Variants in REDIC1 observed in about 807,000 individuals in gnomAD.
REDIC1 encodes the protein regulator of DNA class I crossover intermediates 1, also known as HEI10 Interacting Protein 1.
At chr12:39,809,119 T>G in the REDIC1 span, among the ~76,000 whole-genome samples, 4 of 152,194 alleles carry the variant, frequency 2.6e-5, no homozygotes, top group East Asian at 7.7e-4. Context: ...TCCCTCCACC[T>G]TCACCCGCAA....
At chr12:39,827,025 G>A in the REDIC1 span, among the ~76,000 whole-genome samples, 13 of 148,466 alleles carry the variant, frequency 8.8e-5, no homozygotes, top group South Asian at 1.4e-3. Flanking sequence ...TGGTAAAACC[G>A]CAGTTAACTT....
At chr12:39,781,374 C>T in the REDIC1 span, among the ~76,000 whole-genome samples, 1 of 78,118 alleles carries the variant, frequency 1.3e-5, no homozygotes, top group African/African-American at 5.5e-5. Context: ...CTGAGGGAGC[C>T]CCGCACAGTC....
At chr12:39,639,788 T>A in the REDIC1 span, among the ~76,000 whole-genome samples, 1 of 152,086 alleles carries the variant, frequency 6.6e-6, no homozygotes, top group South Asian at 2.1e-4. Flanking sequence ...TATTTAGTAT[T>A]AGCAATTATT....
At chr12:39,650,143 A>G in the REDIC1 span, 3 of 1,221,320 alleles carry the variant, frequency 2.5e-6, no homozygotes, top group Non-Finnish European at 3.2e-6. The surrounding 1 kb of genome is among the most constrained non-coding windows in gnomAD (Gnocchi z 4.3). Context: ...TAAAATATAA[A>G]TGTAGTTCAT....
the REDIC1 span, among the ~76,000 whole-genome samples, chr12:39,669,127 C>T: frequency 6.6e-6 from 1 of 152,208 alleles, no homozygotes; most frequent in African/African-American, 2.4e-5. Context: ...AGGAGAGACG[C>T]TCTGATTTTT....
chr12:39,771,009 A>T, the REDIC1 span, among the ~76,000 whole-genome samples: 1 of 152,150 alleles, frequency 6.6e-6, no homozygotes, highest in African/African-American at 2.4e-5. Flanking sequence ...TCAAAAGGCT[A>T]TTTTGATGCT....
the REDIC1 span, among the ~76,000 whole-genome samples, chr12:39,719,676 T>C: frequency 2.6e-5 from 4 of 152,166 alleles, no homozygotes; most frequent in Non-Finnish European, 4.4e-5. Flanking sequence ...TTTGTCTATT[T>C]GTTAAACAGT....
the REDIC1 span, chr12:39,641,066 A>G: frequency 8.3e-7 from 1 of 1,205,658 alleles, no homozygotes; most frequent in Non-Finnish European, 1.2e-6. Context: ...TCTACCACTA[A>G]TACATTCACC....
At chr12:39,799,254 CTTTTTTTTTTTTT>C in the REDIC1 span, among the ~76,000 whole-genome samples, 1 of 113,290 alleles carries the variant, frequency 8.8e-6, no homozygotes, top group South Asian at 3.0e-4. Context: ...TATGCTTAGC[CTTTTTTTTTTTTT>C]TTTTTTTTTT....
the REDIC1 span, among the ~76,000 whole-genome samples, chr12:39,895,549 TATAC>T: frequency 1.4e-5 from 1 of 72,542 alleles, no homozygotes; most frequent in Non-Finnish European, 2.6e-5. Context: ...TATATATATA[TATAC>T]ACACACACAC....
chr12:39,684,054 A>C, the REDIC1 span: 2 of 749,852 alleles, frequency 2.7e-6, no homozygotes, highest in African/African-American at 3.8e-5. Flanking sequence ...GTTCAAGATT[A>C]CAATCTCCTC....
chr12:39,667,348 T>G, the REDIC1 span, among the ~76,000 whole-genome samples: 1 of 152,180 alleles, frequency 6.6e-6, no homozygotes, highest in Non-Finnish European at 1.5e-5. Context: ...CAGGAGCAGG[T>G]TTTTCAGTTT....
the REDIC1 span, among the ~76,000 whole-genome samples, chr12:39,639,982 T>C: frequency 6.6e-6 from 1 of 151,808 alleles, no homozygotes; most frequent in Non-Finnish European, 1.5e-5. Context: ...AACCATTAAA[T>C]ACTGCACTAT....
At chr12:39,737,125 A>G in the REDIC1 span, among the ~76,000 whole-genome samples, 2 of 152,204 alleles carry the variant, frequency 1.3e-5, no homozygotes, top group Admixed American at 6.5e-5. Context: ...GCTCCAAATA[A>G]TGCTTTTTTC....
chr12:39,701,869 T>A, the REDIC1 span, among the ~76,000 whole-genome samples: 1 of 151,784 alleles, frequency 6.6e-6, no homozygotes, highest in South Asian at 2.1e-4. Context: ...AAGGCAGAAA[T>A]AAAGATGTTC....
At chr12:39,709,684 G>A in the REDIC1 span, among the ~76,000 whole-genome samples, 16 of 151,194 alleles carry the variant, frequency 1.1e-4, no homozygotes, top group Admixed American at 2.7e-4. Context: ...CTTCTTTTTC[G>A]TTGCTGAATA....
chr12:39,659,865 G>A, the REDIC1 span, among the ~76,000 whole-genome samples: 1 of 151,784 alleles, frequency 6.6e-6, no homozygotes, highest in South Asian at 2.1e-4. Flanking sequence ...TTATTTTCCT[G>A]CACATCATCC....
At chr12:39,707,073 G>A in the REDIC1 span, among the ~76,000 whole-genome samples, 3 of 151,812 alleles carry the variant, frequency 2.0e-5, no homozygotes, top group African/African-American at 7.3e-5. Context: ...AATCAATAAA[G>A]AGACAACCCA....
the REDIC1 span, among the ~76,000 whole-genome samples, chr12:39,868,416 C>T: frequency 6.6e-6 from 1 of 152,174 alleles, no homozygotes; most frequent in East Asian, 1.9e-4. Context: ...AATAATTTCC[C>T]TTCCCATGAC....
Sources: gnomAD v4.1 joint callset for allele counts (sites outside exome capture counted in the v4.1 genomes callset) on GRCh38, gnomAD v4.1.1 for gene constraint, Gnocchi (gnomAD v3.1) non-coding constraint, MANE v1.5 for transcripts, NCBI Gene and HGNC (gene_info 2026-07-23, HGNC 2026-07-21) for gene names.